The following RPS6KC1 variants were observed in gnomAD, a reference collection of about 807,000 sequenced individuals.
RPS6KC1 encodes inactive ribosomal protein S6 kinase delta-1.
RPS6KC1 carries 54 observed loss-of-function variants against 103.8 expected under a neutral mutation model. That is an observed-to-expected ratio of 0.52 (90% CI 0.42 to 0.65). The LOEUF is 0.65. Among genes scored for constraint, RPS6KC1 ranks in the 30% least tolerant of loss-of-function variants. RPS6KC1 has a pLI of 0.00. For synonymous variants in RPS6KC1, 439 were observed against 438.7 expected (o/e 1.00, Z -0.01); for missense variants, 1,151 against 1,253.8 (o/e 0.92, Z 1.24).
At chr1:213,398,111 A>C in the RPS6KC1 span, among the ~76,000 whole-genome samples, 14 of 151,282 alleles carry the variant, frequency 9.3e-5, no homozygotes, top group South Asian at 2.9e-3. Context: ...GGCTCACTGA[A>C]ACCTCCACCT....
At chr1:213,375,998 C>T in the RPS6KC1 span, among the ~76,000 whole-genome samples, 1 of 152,050 alleles carries the variant, frequency 6.6e-6, no homozygotes, top group Non-Finnish European at 1.5e-5. Flanking sequence ...GAGAATTGTC[C>T]TGGCTTGGGT....
chr1:213,440,593 TAAAAAAAAAAAAAA>T, the RPS6KC1 span, among the ~76,000 whole-genome samples: 1 of 100,394 alleles, frequency 1.0e-5, no homozygotes, highest in African/African-American at 4.0e-5. Context: ...TTAATGGAAC[TAAAAAAAAAAAAAA>T]AAAAAAAAGA....
the RPS6KC1 span, among the ~76,000 whole-genome samples, chr1:213,519,100 A>G: frequency 6.6e-6 from 1 of 152,226 alleles, no homozygotes; most frequent in East Asian, 1.9e-4. Context: ...AAAATAACCT[A>G]TAAAGTGTGT....
rs80193177 is a variant in RPS6KC1 at position 213,089,356 on chromosome 1, T to C, written c.262+11540T>C. On this transcript the variant is annotated intron_variant, in intron 3 of 14. Transcript: ENST00000366960. ...TTTTCTCTTTACAGTTACTATTCAATATCAATGGTTCCTTACTTTTTTTCT... is the reference window on the plus strand; with the variant it reads ...TTTTCTCTTTACAGTTACTATTCAACATCAATGGTTCCTTACTTTTTTTCT... 9.4e-3 allele frequency among the ~76,000 whole-genome samples: 1,432 copies of C among 152,294 alleles called. 52 individuals carry two copies. Among genetic ancestry groups the C allele is most frequent in the East Asian group, 0.073 (376 of 5,186 alleles).
At chr1:213,103,705 G>A (rs1162778349) in intron 3 of RPS6KC1, among the ~76,000 whole-genome samples, 1 of 152,096 alleles carries the variant, frequency 6.6e-6, no homozygotes, top group Admixed American at 6.5e-5. Context: ...CTACTTTTCT[G>A]ATTTTGTATT....
chr1:213,624,227 C>T, the RPS6KC1 span, among the ~76,000 whole-genome samples: 51 of 152,320 alleles, frequency 3.3e-4, no homozygotes, highest in African/African-American at 1.1e-3. Context: ...GCATATGATA[C>T]TACCTACATA....
At chr1:213,160,253 G>A (rs900484541) in intron 6 of RPS6KC1, among the ~76,000 whole-genome samples, 13 of 151,998 alleles carry the variant, frequency 8.6e-5, no homozygotes, top group African/African-American at 2.7e-4. Context: ...AAAATATTAC[G>A]GAACACATCA....
intron 3 of RPS6KC1, among the ~76,000 whole-genome samples, chr1:213,083,141 G>A (rs1416102630): frequency 6.6e-6 from 1 of 152,166 alleles, no homozygotes; most frequent in Non-Finnish European, 1.5e-5. Context: ...GGACTGACAA[G>A]CAGAAAAGCA....
At chr1:213,671,115 G>A in the RPS6KC1 span, among the ~76,000 whole-genome samples, 10,889 of 152,200 alleles carry the variant, frequency 0.072, 1,117 homozygotes, top group African/African-American at 0.23. Context: ...TTATTCATCA[G>A]TGAAGTTTTA....
the RPS6KC1 span, among the ~76,000 whole-genome samples, chr1:213,363,632 TTCTTTC>T: frequency 3.8e-5 from 1 of 26,298 alleles, no homozygotes; most frequent in East Asian, 7.0e-4. Flanking sequence ...CTTGCTTTCT[TTCTTTC>T]TTTCTTTCTT....
the RPS6KC1 span, among the ~76,000 whole-genome samples, chr1:213,712,837 C>T: frequency 2.6e-5 from 4 of 152,164 alleles, no homozygotes; most frequent in Non-Finnish European, 5.9e-5. Context: ...CCTCTGTGGG[C>T]TGTACCCACT....
the RPS6KC1 span, among the ~76,000 whole-genome samples, chr1:213,314,034 G>C: frequency 6.6e-6 from 1 of 152,082 alleles, no homozygotes; most frequent in Non-Finnish European, 1.5e-5. Flanking sequence ...TGTTGGCAGG[G>C]CCCTGCTTCC....
Position 213,152,560 on chromosome 1 carries a change from C to T in RPS6KC1, c.836-15298C>T, listed in dbSNP as rs1315886052. On this transcript the variant is annotated intron_variant, in intron 6 of 14. Transcript: ENST00000366960. ...GTAGAGATGCTCCTCACCTCCCAGA[C>T]GGGGTTGCCGCCGGGCAGAGGTGCT... Among the ~76,000 whole-genome samples, 46 of 145,310 alleles carry T rather than the reference C, an allele frequency of 3.2e-4. 1 individual carries two copies. Among genetic ancestry groups the T allele is most frequent in the Admixed American group, 2.2e-3 (32 of 14,702 alleles).
chr1:213,403,850 GC>G, the RPS6KC1 span, among the ~76,000 whole-genome samples: 7 of 152,182 alleles, frequency 4.6e-5, no homozygotes, highest in African/African-American at 1.7e-4. Context: ...TATGGGTGAG[GC>G]CTGCCATTCC....
the RPS6KC1 span, among the ~76,000 whole-genome samples, chr1:213,317,207 C>T: frequency 3.3e-5 from 5 of 152,218 alleles, no homozygotes; most frequent in African/African-American, 4.8e-5. Context: ...CTGAAGAAGG[C>T]GTTCTCTGAT....
At chr1:213,515,247 G>C in the RPS6KC1 span, among the ~76,000 whole-genome samples, 1 of 152,154 alleles carries the variant, frequency 6.6e-6, no homozygotes, top group African/African-American at 2.4e-5. Context: ...GATCCCATTT[G>C]TCAATTTTGG....
the RPS6KC1 span, among the ~76,000 whole-genome samples, chr1:213,816,861 GT>G: frequency 5.3e-4 from 80 of 152,168 alleles, no homozygotes; most frequent in Non-Finnish European, 9.6e-4. Flanking sequence ...AATTTTCTGT[GT>G]ATCCAAGTGC....
At chr1:213,431,655 ATGTGTG>A in the RPS6KC1 span, among the ~76,000 whole-genome samples, 21 of 141,638 alleles carry the variant, frequency 1.5e-4, no homozygotes, top group South Asian at 6.9e-4. Context: ...GTTTGTGTGT[ATGTGTG>A]TGTGTGTGTG....
chr1:213,139,721 G>GT (rs1381866805), intron 6 of RPS6KC1, among the ~76,000 whole-genome samples: 10 of 152,156 alleles, frequency 6.6e-5, no homozygotes, highest in Admixed American at 4.6e-4. Context: ...TTTTGTACCA[G>GT]TACCATGCTG....
Sources: allele counts gnomAD v4.1 joint callset (sites outside exome capture counted in the v4.1 genomes callset), GRCh38; gene constraint gnomAD v4.1.1; transcripts MANE v1.5; gene names NCBI Gene and HGNC (gene_info 2026-07-23, HGNC 2026-07-21).